IL4I1: variants seen among roughly 807,000 people sequenced by gnomAD.
The protein encoded by IL4I1 is interleukin 4 induced 1.
In IL4I1, 24 loss-of-function variants were observed where a neutral mutation model predicts 29.7. The ratio of observed to expected loss-of-function variants is 0.81; its 90% CI spans 0.59 to 1.14. The LOEUF is 1.14. Among genes scored for constraint, IL4I1 ranks in the 50% most tolerant of loss-of-function variants. IL4I1 has a pLI of 0.00. For synonymous variants in IL4I1, 371 were observed against 352.5 expected, an observed-to-expected ratio of 1.05 and a Z score of -0.59; for missense variants, 686 against 785.6, an observed-to-expected ratio of 0.87 and a Z score of 1.52.
At chr19:49,911,146 C>T (rs1479622735) in intron 2 of IL4I1, 2 of 152,244 alleles carry the variant, frequency 1.3e-5, no homozygotes, top group African/African-American at 4.8e-5. Flanking sequence ...AAGCGATCCT[C>T]CCTCTTTGTC....
At chr19:49,908,413 G>C (rs376266072) in intron 2 of IL4I1, 1 of 1,614,048 alleles carries the variant, frequency 6.2e-7, no homozygotes, top group Non-Finnish European at 8.5e-7. Flanking sequence ...CACTGGTGTC[G>C]GCGGGGGCCC....
At chr19:49,898,543 A>G (rs564115410), upstream of IL4I1, among the ~76,000 whole-genome samples, 38 of 152,284 alleles carry the variant, frequency 2.5e-4, no homozygotes, top group African/African-American at 8.7e-4. Flanking sequence ...CCTGGTGCTC[A>G]GGGCTTTGCA....
chr19:49,900,487 C>T (rs755155793), upstream of IL4I1, among the ~76,000 whole-genome samples: 49 of 151,934 alleles, frequency 3.2e-4, 1 homozygote, highest in Admixed American at 1.6e-3. Flanking sequence ...GGGGTTTCTC[C>T]ATGTTGGACA....
chr19:49,920,796 G>C (rs1404866960), intron 2 of IL4I1, among the ~76,000 whole-genome samples: 2 of 152,212 alleles, frequency 1.3e-5, no homozygotes, highest in Non-Finnish European at 2.9e-5. Flanking sequence ...TGAGGCATCA[G>C]GGCTGAGGGA....
intron 1 of IL4I1, 53 bp from the exon 2 acceptor site, chr19:49,896,235 A>AGCCT (rs944009356): frequency 6.8e-7 from 1 of 1,466,134 alleles, no homozygotes; most frequent in African/African-American, 1.4e-5. Flanking sequence ...TGACCACTGT[A>AGCCT]GCCTGACTCT....
At chr19:49,900,695 C>T (rs1285898959), upstream of IL4I1, among the ~76,000 whole-genome samples, 1 of 151,204 alleles carries the variant, frequency 6.6e-6, no homozygotes, top group Admixed American at 6.6e-5. Flanking sequence ...GAGTGGGAGA[C>T]AGGAGGGAGG....
chr19:49,905,087 A>T (rs2075305120), intron 2 of IL4I1, among the ~76,000 whole-genome samples: 1 of 152,122 alleles, frequency 6.6e-6, no homozygotes, highest in Admixed American at 6.6e-5. Context: ...ACCTCAGGTG[A>T]TCCACCCGCC....
upstream of IL4I1, chr19:49,896,963 G>T: frequency 1.1e-6 from 1 of 870,048 alleles, no homozygotes. Context: ...AACTGGCCGA[G>T]GGAAATGAAA....
intron 2 of IL4I1, among the ~76,000 whole-genome samples, chr19:49,923,239 C>T (rs2075806750): frequency 6.6e-6 from 1 of 152,224 alleles, no homozygotes; most frequent in Non-Finnish European, 1.5e-5. Flanking sequence ...CCTACCTGCC[C>T]TTGTTTGCCA....
chr19:49,899,267 T>C (rs1186293415), upstream of IL4I1, among the ~76,000 whole-genome samples: 1 of 152,148 alleles, frequency 6.6e-6, no homozygotes, highest in African/African-American at 2.4e-5. Context: ...AGTTTTTGGG[T>C]CCCCAGAGTG....
intron 3 of IL4I1, among the ~76,000 whole-genome samples, chr19:49,902,893 G>T (rs984787331): frequency 1.3e-5 from 2 of 151,764 alleles, no homozygotes; most frequent in African/African-American, 2.4e-5. Context: ...GAGACAGGTG[G>T]ATCACAAGGT....
chr19:49,891,012 G>T lies in IL4I1; in HGVS notation c.732C>A (p.Ala244=). 1 of 1,605,922 alleles carries T rather than the reference G, an allele frequency of 6.2e-7. No individual in the cohort carries two copies. The highest frequency in any genetic ancestry group is 8.5e-7 in the Non-Finnish European group (1 of 1,177,786). Residue 244 remains alanine (A), a synonymous_variant, in exon 7 of 8, where the codon GCC becomes GCA. Coordinates refer to ENST00000391826, the MANE Select transcript of IL4I1 (RefSeq NM_152899.2). ...GGCAGCTGTGGGCCCGGAGGGCCTC[G>T]GCGAAGCTGAGATAGAAGAAGCCAT... is the stretch of plus-strand genomic sequence containing the variant. ...SEDGFFYLSF[A]EALRAHSCLS...
intron 2 of IL4I1, among the ~76,000 whole-genome samples, chr19:49,923,436 G>A (rs2075811493): frequency 6.6e-6 from 1 of 152,232 alleles, no homozygotes; most frequent in East Asian, 1.9e-4. Flanking sequence ...TGGGAATGAG[G>A]AGGGCCCTGA....
In IL4I1 at chr19:49,909,233, G is replaced by A. The variant is rs139206027; in HGVS notation, c.-227-4912C>T. Reference sequence around the variant, plus strand: ...TGCTGTGGTGGCTGCTGGCGTGGCCGGAGTGAAGGGCAACGTGGCAGGTGC... The same window carrying A: ...TGCTGTGGTGGCTGCTGGCGTGGCCAGAGTGAAGGGCAACGTGGCAGGTGC... On this transcript the variant is annotated intron_variant, in intron 2 of 9. Transcript: ENST00000341114. 9.9e-5 allele frequency: 160 copies of A among 1,614,120 alleles called. No individual in the cohort carries two copies. The African/African-American group carries it at 1.7e-3, about 17-fold the overall frequency.
rs2075111970 is a variant in IL4I1 at position 49,890,153 on chromosome 19, G to A, written c.1221C>T (p.Phe407=). 2 of 1,541,550 alleles carry A rather than the reference G, an allele frequency of 1.3e-6. No individual in the cohort carries two copies. The highest frequency in any genetic ancestry group is 8.7e-7 in the Non-Finnish European group (1 of 1,143,148). ...ACGCCTCTTCCCGGCTCAAGCCGGC[G>A]AACGCTGCCGCCGCGTCCGACCACG... is the stretch of plus-strand genomic sequence containing the variant. The part of the protein sequence containing the change: ...SYTWSDAAAA[F]AGLSREEALR... Residue 407 remains phenylalanine, a synonymous_variant, in exon 8 of 8, where the codon TTC becomes TTT. Transcript: ENST00000391826.
chr19:49,926,554 A>C (rs1314014644), intron 2 of IL4I1, among the ~76,000 whole-genome samples: 1 of 143,238 alleles, frequency 7.0e-6, no homozygotes, highest in African/African-American at 2.5e-5. Flanking sequence ...AAACCAAACC[A>C]AACCCAGTCC....
chr19:49,900,822 C>A (rs187038071), upstream of IL4I1, among the ~76,000 whole-genome samples: 1 of 152,274 alleles, frequency 6.6e-6, no homozygotes, highest in Admixed American at 6.5e-5. Context: ...TAAGGTTAAT[C>A]CTCCCAGATA....
chr19:49,922,229 G>A (rs531524490), intron 2 of IL4I1, among the ~76,000 whole-genome samples: 7 of 152,280 alleles, frequency 4.6e-5, no homozygotes, highest in East Asian at 1.9e-4. Flanking sequence ...TAGCCCAAAC[G>A]CCTCCTTATT....
chr19:49,916,681 A>T (rs1373798338), intron 2 of IL4I1, among the ~76,000 whole-genome samples: 1 of 151,648 alleles, frequency 6.6e-6, no homozygotes, highest in Admixed American at 6.6e-5. Context: ...GGAGAATGGC[A>T]TCAACCCGGG....
Sources: gnomAD v4.1 joint callset for allele counts (sites outside exome capture counted in the v4.1 genomes callset) on GRCh38, gnomAD v4.1.1 for gene constraint, MANE v1.5 for transcripts, NCBI Gene and HGNC (gene_info 2026-07-23, HGNC 2026-07-21) for gene names.